TRAPPC9: variants seen among roughly 807,000 people sequenced by gnomAD.
TRAPPC9 encodes trafficking protein particle complex subunit 9.
TRAPPC9 carries 83 observed loss-of-function variants against 124.0 expected under a neutral mutation model. The ratio of observed to expected loss-of-function variants is 0.67; its 90% confidence interval spans 0.56 to 0.80. The LOEUF (loss-of-function observed/expected upper bound fraction) is 0.80. TRAPPC9 is among the 30% of genes least tolerant of loss of function. The pLI is 0.00. For missense variants in TRAPPC9, 1,302 were observed against 1,508.3 expected (o/e 0.86, Z 2.27); for synonymous variants, 638 against 617.5 (o/e 1.03, Z -0.49).
rs775851358 is a variant in TRAPPC9 at position 140,435,101 on chromosome 8, G to A, written c.859+11C>T. 1 of 1,614,204 alleles carries A rather than the reference G, an allele frequency of 6.2e-7. No individual in the cohort carries two copies. Among genetic ancestry groups the A allele is most frequent in the South Asian group, 1.1e-5 (1 of 91,074 alleles). On this transcript the variant is annotated intron_variant, in intron 4 of 22. Coordinates refer to ENST00000438773, the MANE Select transcript of TRAPPC9 (RefSeq NM_001160372.4). ...CAAGTGAGCAGAGGCCGGAAAAAGG[G>A]CAGAGCTCACCTGGCCGGTGTCTAT...
At chr8:140,075,782 C>G (rs1367017332) in intron 17 of TRAPPC9, among the ~76,000 whole-genome samples, 1 of 152,202 alleles carries the variant, frequency 6.6e-6, no homozygotes, top group Non-Finnish European at 1.5e-5. Context: ...GAGCCAATGT[C>G]TGTGATATTT....
At chr8:139,824,012 T>C (rs2130806593) in intron 21 of TRAPPC9, among the ~76,000 whole-genome samples, 1 of 152,314 alleles carries the variant, frequency 6.6e-6, no homozygotes, top group East Asian at 1.9e-4. Flanking sequence ...GGTCTTCTAT[T>C]ACAGGAGCAG....
chr8:140,457,814 T>C (rs1439850608), upstream of TRAPPC9: 1 of 1,058,658 alleles, frequency 9.4e-7, no homozygotes, highest in Non-Finnish European at 1.1e-6. Context: ...CGTCCCGGGT[T>C]TTGCAAGAGA....
chr8:139,946,420 C>T (rs1437594646), intron 19 of TRAPPC9, among the ~76,000 whole-genome samples: 3 of 150,828 alleles, frequency 2.0e-5, no homozygotes, highest in African/African-American at 4.9e-5. Flanking sequence ...ATATAGCAGG[C>T]GCTTGAGAAT....
chr8:140,007,903 C>T lies in TRAPPC9; in HGVS notation c.2699+16034G>A, dbSNP rs1232669661. On this transcript the variant is annotated intron_variant, in intron 18 of 22. Transcript: ENST00000438773. ...TAAAATGGGTCCTCTCAAGACAGAC[C>T]GGTGAGCAGACACAGAATACTGTGA... Among the ~76,000 whole-genome samples the T allele has an allele frequency of 5.3e-5, 8 of 152,136 alleles. No individual in the cohort carries two copies. The East Asian group carries it at 7.7e-4, about 15-fold the overall frequency.
At chr8:139,740,359 G>A (rs1320870443) in intron 21 of TRAPPC9, among the ~76,000 whole-genome samples, 5 of 152,348 alleles carry the variant, frequency 3.3e-5, no homozygotes, top group South Asian at 2.1e-4. Context: ...GGCTGTGCCC[G>A]CCAGGGAGGG....
At chr8:140,136,314 G>A (rs1029338207) in intron 17 of TRAPPC9, among the ~76,000 whole-genome samples, 6 of 152,326 alleles carry the variant, frequency 3.9e-5, no homozygotes, top group South Asian at 4.1e-4. Flanking sequence ...CCCTGAAGCA[G>A]CAGGAGCCCA....
intron 17 of TRAPPC9, among the ~76,000 whole-genome samples, chr8:140,207,461 G>A (rs2062954095): frequency 6.6e-6 from 1 of 152,168 alleles, no homozygotes; most frequent in African/African-American, 2.4e-5. Flanking sequence ...ATTCTCAATA[G>A]CAAATCTAAC....
chr8:140,413,000 TTCA>T (rs2069762652), intron 5 of TRAPPC9, among the ~76,000 whole-genome samples: 1 of 152,158 alleles, frequency 6.6e-6, no homozygotes, highest in Admixed American at 6.5e-5. Flanking sequence ...AATGAGTCAC[TTCA>T]TCACTTACAC....
intron 9 of TRAPPC9, among the ~76,000 whole-genome samples, chr8:140,351,368 G>A (rs947815356): frequency 9.0e-5 from 13 of 143,770 alleles, no homozygotes; most frequent in African/African-American, 2.7e-4. Flanking sequence ...TGTGCTGAAC[G>A]TGTGTAGTTT....
chr8:139,756,322 T>A (rs1338297988), intron 21 of TRAPPC9, among the ~76,000 whole-genome samples: 5 of 139,154 alleles, frequency 3.6e-5, no homozygotes, highest in Non-Finnish European at 7.7e-5. Flanking sequence ...GGATTGGGGA[T>A]GAGGACAGCA....
In TRAPPC9 at chr8:139,771,673, G is replaced by A. The variant is rs148854416; in HGVS notation, c.3056-39471C>T. ...AGCAGACCCCACACGAGTGGTAGGC[G>A]CTGAGGACCACACGGATATTTGTGA... is the stretch of plus-strand genomic sequence containing the variant. On this transcript the variant is annotated intron_variant, in intron 21 of 22. Coordinates refer to ENST00000438773, the MANE Select transcript of TRAPPC9 (RefSeq NM_001160372.4). 2.8e-3 allele frequency among the ~76,000 whole-genome samples: 426 copies of A among 152,332 alleles called. 3 individuals carry two copies. Among genetic ancestry groups the A allele is most frequent in the African/African-American group, 8.8e-3 (367 of 41,582 alleles).
chr8:140,324,866 T>G (rs189626669), intron 9 of TRAPPC9, among the ~76,000 whole-genome samples: 26 of 152,166 alleles, frequency 1.7e-4, no homozygotes, highest in Admixed American at 1.0e-3. Context: ...CTTCTTCAAC[T>G]GACATTCATA....
intron 17 of TRAPPC9, among the ~76,000 whole-genome samples, chr8:140,181,901 C>G (rs2062213551): frequency 6.6e-6 from 1 of 152,124 alleles, no homozygotes; most frequent in Non-Finnish European, 1.5e-5. Context: ...AGTTTTCTAC[C>G]TGGGTTGGCT....
intron 19 of TRAPPC9, chr8:139,932,237 T>C (rs930927181): frequency 1.6e-5 from 7 of 436,870 alleles, no homozygotes; most frequent in African/African-American, 1.4e-4. Flanking sequence ...CACTTCGCCG[T>C]GCAGCCGAGG....
At chr8:140,038,077 T>C (rs1390736420) in intron 17 of TRAPPC9, among the ~76,000 whole-genome samples, 1 of 151,296 alleles carries the variant, frequency 6.6e-6, no homozygotes, top group Non-Finnish European at 1.5e-5. Flanking sequence ...CTGCCCTCAG[T>C]TTAGACACAA....
intron 19 of TRAPPC9, among the ~76,000 whole-genome samples, chr8:139,941,446 C>A (rs1341695081): frequency 7.9e-5 from 12 of 152,194 alleles, no homozygotes; most frequent in Admixed American, 6.5e-5. Flanking sequence ...CTCTCAGTTG[C>A]AAGACTAGAA....
intron 21 of TRAPPC9, among the ~76,000 whole-genome samples, chr8:139,760,846 T>G (rs1382455019): frequency 6.6e-6 from 1 of 152,172 alleles, no homozygotes; most frequent in Admixed American, 6.5e-5. Flanking sequence ...CCTTACCCCA[T>G]AAGTCAACCA....
intron 17 of TRAPPC9, among the ~76,000 whole-genome samples, chr8:140,102,631 C>T (rs1471385745): frequency 6.6e-6 from 1 of 152,190 alleles, no homozygotes; most frequent in African/African-American, 2.4e-5. Context: ...TAGTTCACTG[C>T]TTACTTCTGT....
Sources: allele counts gnomAD v4.1 joint callset (sites outside exome capture counted in the v4.1 genomes callset), GRCh38; gene constraint gnomAD v4.1.1; transcripts MANE v1.5; gene names NCBI Gene and HGNC (gene_info 2026-07-23, HGNC 2026-07-21).